PCDHGA1: variants seen among roughly 807,000 people sequenced by gnomAD.
PCDHGA1 encodes protocadherin gamma subfamily A, 1, also known as protocadherin gamma-A1.
A neutral mutation model predicts 58.0 loss-of-function variants in PCDHGA1; 32 were observed. The observed-to-expected ratio is 0.55, with a 90% CI of 0.42 to 0.74. The LOEUF is 0.74. Among genes scored for constraint, PCDHGA1 ranks in the 30% least tolerant of loss-of-function variants. The pLI, the probability that PCDHGA1 is intolerant of heterozygous loss-of-function variation, is 0.00. For missense variants in PCDHGA1, 1,205 were observed against 1,182.3 expected, an observed-to-expected ratio of 1.02 and a Z score of -0.28; for synonymous variants, 498 against 501.1, an observed-to-expected ratio of 0.99 and a Z score of 0.08.
intron 1 of PCDHGA1, chr5:141,408,243 G>T: frequency 6.3e-7 from 1 of 1,583,996 alleles, no homozygotes; most frequent in African/African-American, 1.3e-5. Context: ...GCCGGCCCGC[G>T]GCAGGTGCTA....
At chr5:141,481,035 G>C (rs1342607604) in intron 1 of PCDHGA1, among the ~76,000 whole-genome samples, 1 of 152,094 alleles carries the variant, frequency 6.6e-6, no homozygotes, top group Non-Finnish European at 1.5e-5. Flanking sequence ...TCCAGCCTGG[G>C]CGACAGAGCG....
chr5:141,419,852 G>A, intron 1 of PCDHGA1: 1 of 1,614,066 alleles, frequency 6.2e-7, no homozygotes, highest in Non-Finnish European at 8.5e-7. Flanking sequence ...CCTGGTGTTC[G>A]CAGATAGCTT....
intron 1 of PCDHGA1, chr5:141,427,993 C>G: frequency 6.3e-7 from 1 of 1,599,460 alleles, no homozygotes; most frequent in South Asian, 1.1e-5. Flanking sequence ...CCCGATGGCT[C>G]CGCACTCTTC....
At chr5:141,468,154 G>A (rs1374898668) in intron 1 of PCDHGA1, among the ~76,000 whole-genome samples, 2 of 151,838 alleles carry the variant, frequency 1.3e-5, no homozygotes, top group African/African-American at 2.4e-5. Flanking sequence ...GTGAAACCCT[G>A]TCTCTGCTAA....
chr5:141,419,258 C>G lies in PCDHGA1; in HGVS notation c.2422-75549C>G, dbSNP rs761740232. The G allele has an allele frequency of 2.5e-6, 4 of 1,614,028 alleles. No individual in the cohort carries two copies. The Admixed American group carries it at 6.7e-5, about 27-fold the overall frequency. ...GGTCCACGTGCCAGAAAACAACCAG[C>G]CGGGTGCCTCCATAGCGCAAGTCAG... On this transcript the variant is annotated intron_variant, in intron 1 of 3. Transcript: ENST00000517417.
At chr5:141,352,305 C>T in intron 1 of PCDHGA1, 8 of 1,614,070 alleles carry the variant, frequency 5.0e-6, no homozygotes, top group African/African-American at 1.3e-5. Context: ...GACCCCCAGA[C>T]GGAACTGCAG....
chr5:141,457,579 A>G (rs557894260), intron 1 of PCDHGA1, among the ~76,000 whole-genome samples: 123 of 152,346 alleles, frequency 8.1e-4, no homozygotes, highest in Non-Finnish European at 1.4e-3. Flanking sequence ...TTTTCTCTCC[A>G]GTCCTCATTT....
intron 1 of PCDHGA1, chr5:141,345,019 C>G: frequency 6.2e-7 from 1 of 1,613,938 alleles, no homozygotes; most frequent in Non-Finnish European, 8.5e-7. Flanking sequence ...GGTCTTCTTT[C>G]AAGAGCCAAG....
Position 141,487,315 on chromosome 5 carries a change from G to C in PCDHGA1, c.2422-7492G>C, listed in dbSNP as rs568326280. On this transcript the variant is annotated intron_variant, in intron 1 of 3. Transcript: ENST00000517417. The surrounding 1 kb of genome is among the most constrained non-coding windows in gnomAD (Gnocchi z 5.0). ...GCTCATTCGTGGCACTACTCTCTAA[G>C]TGTCTTCGTGGGGCAGCCTGTGGAG... 6.2e-7 allele frequency: 1 copy of C among 1,614,166 alleles called. No individual in the cohort carries two copies. Among genetic ancestry groups the C allele is most frequent in the Admixed American group, 1.7e-5 (1 of 60,028 alleles).
At chr5:141,410,665 G>C (rs372651223) in intron 1 of PCDHGA1, 9 of 1,569,394 alleles carry the variant, frequency 5.7e-6, no homozygotes, top group Non-Finnish European at 7.7e-6. Flanking sequence ...TAGTCTACTA[G>C]TTTCTCATAT....
rs780271107 is a variant in PCDHGA1, at chr5:141,331,283, TAGAC to T, written c.603_606del (p.Asp201GlufsTer48). 1.7e-5 allele frequency: 28 copies of T among 1,613,928 alleles called. No individual in the cohort carries two copies. Among genetic ancestry groups the T allele is most frequent in the Admixed American group, 1.0e-4 (6 of 59,998 alleles). The stretch of plus-strand genomic sequence containing the variant: ...CCAGAGATGGTGCTGCAGAGTCCCT[TAGAC>T]AGAGAAGAAGAAGCTGTCCACCACC... On this transcript the variant is annotated frameshift_variant, in exon 1 of 4. Coordinates refer to ENST00000517417, the MANE Select transcript of PCDHGA1 (RefSeq NM_018912.3). LOFTEE classifies it high-confidence loss of function.
rs141295392 is a variant in PCDHGA1 at position 141,393,658 on chromosome 5, G to A, written c.2421+60553G>A. 3.0e-5 allele frequency: 49 copies of A among 1,613,798 alleles called. No homozygotes were observed. The Middle Eastern group carries it at 6.6e-4, about 22-fold the overall frequency. ...AACGGAAAAGTGGCATACAAATTCC[G>A]GAAAATTAATGAAAAACAAACTCCG... On this transcript the variant is annotated intron_variant, in intron 1 of 3. Transcript: ENST00000517417.
chr5:141,364,926 C>T, intron 1 of PCDHGA1: 2 of 1,613,906 alleles, frequency 1.2e-6, no homozygotes, highest in Non-Finnish European at 8.5e-7. Flanking sequence ...TTGGAACAGC[C>T]CCTAGACCGC....
chr5:141,419,006 A>G (rs2096312225), intron 1 of PCDHGA1: 1 of 1,614,006 alleles, frequency 6.2e-7, no homozygotes. Context: ...TGGGGAAGTC[A>G]GGTGTAGCTT....
rs1561857042 is a variant in PCDHGA1, at chr5:141,432,038, C to CG, written c.2422-62765dup. 3 of 1,614,190 alleles carry CG rather than the reference C, an allele frequency of 1.9e-6. No individual in the cohort carries two copies. The highest frequency in any genetic ancestry group is 2.5e-6 in the Non-Finnish European group (3 of 1,180,032). Reference sequence around the variant, plus strand: ...CAACATCACAGTGACCGCCACTGACCGGGGAACCCCGCCCCTATCCACGGA... The same window carrying CG: ...CAACATCACAGTGACCGCCACTGACCGGGGGAACCCCGCCCCTATCCACGGA... On this transcript the variant is annotated intron_variant, in intron 1 of 3. Transcript: ENST00000517417. The surrounding 1 kb of genome is among the most constrained non-coding windows in gnomAD (Gnocchi z 6.0).
At chr5:141,398,415 C>T (rs2093654537) in intron 1 of PCDHGA1, 2 of 1,487,146 alleles carry the variant, frequency 1.3e-6, no homozygotes, top group Non-Finnish European at 1.9e-6. Context: ...AGGAGATATG[C>T]GGGAAGAAGC....
intron 1 of PCDHGA1, chr5:141,351,893 C>A: frequency 3.7e-6 from 6 of 1,613,414 alleles, no homozygotes; most frequent in African/African-American, 1.3e-5. Context: ...CGTGAGCCTG[C>A]GCGTGTTGGT....
Position 141,477,393 on chromosome 5 carries a change from G to A in PCDHGA1, c.2422-17414G>A, listed in dbSNP as rs1397453429. On this transcript the variant is annotated intron_variant, in intron 1 of 3. Transcript: ENST00000517417. This position sits in a 1 kb window ranked among gnomAD's most constrained non-coding sequence, Gnocchi z 4.9. The stretch of plus-strand genomic sequence containing the variant: ...GAGACTGTGCCAGAATACAACCTCA[G>A]CATCACCGCCCGAGACGCCGGAACC... The A allele has an allele frequency of 5.6e-6, 9 of 1,614,098 alleles. No individual in the cohort carries two copies. Among genetic ancestry groups the A allele is most frequent in the Non-Finnish European group, 7.6e-6 (9 of 1,180,028 alleles).
Position 141,332,420 on chromosome 5 carries a change from C to G in PCDHGA1, c.1736C>G (p.Pro579Arg), listed in dbSNP as rs749160462. Reference sequence around the variant, plus strand: ...GGTTCTACCGGCGTGGAGCTGGCGCCCCTCTCCGCAGAGCCCGGCTACCTG... The same window carrying G: ...GGTTCTACCGGCGTGGAGCTGGCGCGCCTCTCCGCAGAGCCCGGCTACCTG... ...TDGSTGVELA[P>R]LSAEPGYLVT... Residue 579 changes from proline to arginine, a missense_variant, in exon 1 of 4, where the codon CCC becomes CGC. Pro to Arg is a moderately radical substitution (Grantham distance 103). Transcript: ENST00000517417. This position sits in a 1 kb window ranked among gnomAD's most constrained non-coding sequence, Gnocchi z 4.6. 4 of 1,614,118 alleles carry G rather than the reference C, an allele frequency of 2.5e-6. No homozygotes were observed. The highest frequency in any genetic ancestry group is 3.3e-5 in the Admixed American group (2 of 60,024).
Sources: gnomAD v4.1 joint callset for allele counts (sites outside exome capture counted in the v4.1 genomes callset) on GRCh38, gnomAD v4.1.1 for gene constraint, Gnocchi (gnomAD v3.1) non-coding constraint, MANE v1.5 for transcripts, NCBI Gene and HGNC (gene_info 2026-07-23, HGNC 2026-07-21) for gene names.